The following SERINC2 variants were observed in gnomAD, a reference collection of about 807,000 sequenced individuals.
SERINC2 encodes the protein serine incorporator 2.
SERINC2 carries 56 observed loss-of-function variants against 54.2 expected under a neutral mutation model. The observed-to-expected ratio is 1.03, with a 90% CI of 0.83 to 1.29. The LOEUF (loss-of-function observed/expected upper bound fraction) is 1.29. Among genes scored for constraint, SERINC2 ranks in the 50% most tolerant of loss-of-function variants. SERINC2 has a pLI of 0.00. For synonymous variants in SERINC2, 272 were observed against 253.1 expected, an observed-to-expected ratio of 1.07 and a Z score of -0.71; for missense variants, 614 against 607.4, an observed-to-expected ratio of 1.01 and a Z score of -0.12.
chr1:31,414,791 C>T (rs1640744981), intron 1 of SERINC2: 1 of 985,330 alleles, frequency 1.0e-6, no homozygotes, highest in Non-Finnish European at 1.2e-6. Flanking sequence ...AGGCACAGGC[C>T]CTGCTGGGCT....
chr1:31,430,319 G>A (rs1557498388), intron 8 of SERINC2, among the ~76,000 whole-genome samples: 1 of 151,232 alleles, frequency 6.6e-6, no homozygotes, highest in African/African-American at 2.4e-5. Flanking sequence ...ATTGAGACCA[G>A]CCTGGGCAAC....
At chr1:31,416,993 T>A (rs1640796002) in intron 1 of SERINC2, among the ~76,000 whole-genome samples, 1 of 152,370 alleles carries the variant, frequency 6.6e-6, no homozygotes, top group Middle Eastern at 3.4e-3. Context: ...GTGCTGGGAT[T>A]ACAGGCATGA....
intron 4 of SERINC2, 101 bp downstream of exon 4, chr1:31,425,510 C>T (rs1348048561): frequency 3.1e-6 from 3 of 982,670 alleles, no homozygotes; most frequent in East Asian, 2.4e-5. Context: ...GGCACACAGA[C>T]CCCTGGCTGC....
At chr1:31,432,231 G>GGTGGAGAGGGTGGAGAGGGTGGA (rs1641318155) in intron 8 of SERINC2, among the ~76,000 whole-genome samples, 2 of 151,258 alleles carry the variant, frequency 1.3e-5, no homozygotes, top group South Asian at 2.1e-4. Context: ...GGGTGGATAG[G>GGTGGAGAGGGTGGAGAGGGTGGA]GACCCACTGA....
In SERINC2 at chr1:31,434,239, T is replaced by G; in HGVS notation, c.*40T>G. Reference sequence around the variant, plus strand: ...CTGCCATCTGGTGCCTCCTGCCACCTGGTGCCTCTCGGCTCAGTGACAGCC... The same window carrying G: ...CTGCCATCTGGTGCCTCCTGCCACCGGGTGCCTCTCGGCTCAGTGACAGCC... On this transcript the variant is annotated 3_prime_UTR_variant, in exon 10 of 10. Coordinates refer to ENST00000373709, the MANE Select transcript of SERINC2 (RefSeq NM_178865.5). 1 of 1,599,086 alleles carries G rather than the reference T, an allele frequency of 6.3e-7. No homozygotes were observed. The highest frequency in any genetic ancestry group is 8.5e-7 in the Non-Finnish European group (1 of 1,173,632).
intron 8 of SERINC2, among the ~76,000 whole-genome samples, chr1:31,431,868 TAGGGTGGAC>T (rs1557500090): frequency 3.1e-4 from 6 of 19,398 alleles, no homozygotes; most frequent in East Asian, 3.2e-3. Context: ...ATAGGGTGGA[TAGGGTGGAC>T]AGGGTGGACA....
chr1:31,428,919 CTGGGTGGGG>C lies in SERINC2; in HGVS notation c.781-54_781-46del. On this transcript the variant is annotated intron_variant, in intron 6 of 9. Coordinates refer to ENST00000373709, the MANE Select transcript of SERINC2 (RefSeq NM_178865.5). ...AGGTCCCTTGGCTGGTGTGAGTGGG[CTGGGTGGGG>C]TGGGGTGTCTCTGGTCTGGCAGGGG... 4.7e-6 allele frequency: 5 copies of C among 1,061,168 alleles called. No individual in the cohort carries two copies. The South Asian group carries it at 6.4e-5, about 14-fold the overall frequency. 65.7% of individuals were successfully genotyped at this position (1,061,168 alleles called of 1,614,324 possible). A position where few individuals can be genotyped will look rare whatever the true frequency, so the allele number is the denominator to read the frequency against.
upstream of SERINC2, among the ~76,000 whole-genome samples, chr1:31,412,676 G>A (rs942468872): frequency 3.1e-4 from 47 of 152,276 alleles, no homozygotes; most frequent in African/African-American, 1.1e-3. Context: ...CTCTTAAAAA[G>A]GAAGAAGAAA....
chr1:31,423,685 T>C lies in SERINC2; in HGVS notation c.40-8T>C, dbSNP rs782403068. 1.9e-6 allele frequency: 3 copies of C among 1,605,188 alleles called. No homozygotes were observed. In the African/African-American group the frequency reaches 4.0e-5, roughly 21 times the overall value. ...GGGAGAGGGAAGAGTGACAGTGCCC[T>C]CCCGCAGGCGTCCTGCCTCTGCGGC... On this transcript the variant is annotated splice_polypyrimidine_tract_variant and splice_region_variant and intron_variant, in intron 1 of 9. Transcript: ENST00000373709.
intron 1 of SERINC2, among the ~76,000 whole-genome samples, chr1:31,422,320 G>C (rs1640922856): frequency 6.7e-6 from 1 of 149,930 alleles, no homozygotes; most frequent in Non-Finnish European, 1.5e-5. Flanking sequence ...AACAAAAAAA[G>C]AAGAAAAGAA....
intron 8 of SERINC2, among the ~76,000 whole-genome samples, chr1:31,430,441 G>A (rs576097043): frequency 1.3e-5 from 2 of 152,114 alleles, no homozygotes; most frequent in Admixed American, 1.3e-4. Context: ...CCAGACTGAA[G>A]CAGGAGGATT....
Position 31,425,891 on chromosome 1 carries a change from C to A in SERINC2, c.588C>A (p.Cys196Ter). 3 of 1,612,296 alleles carry A rather than the reference C, an allele frequency of 1.9e-6. No homozygotes were observed. Among genetic ancestry groups the A allele is most frequent in the Non-Finnish European group, 8.5e-7 (1 of 1,179,810 alleles). ...NQRWLGKAEE[C>*]DSRAWYAGLF... ...GGTGGCTGGGCAAGGCCGAGGAGTG[C>A]GATTCCCGTGCCTGGTACGCAGGTC... Residue 196 changes from cysteine (C) to a stop codon, truncating the protein, a stop_gained, in exon 5 of 10, where the codon TGC becomes TGA. Coordinates refer to ENST00000373709, the MANE Select transcript of SERINC2 (RefSeq NM_178865.5). LOFTEE classifies it high-confidence loss of function.
rs1253844006 is a variant in SERINC2 at position 31,413,277 on chromosome 1, C to G, written c.12C>G (p.Cys4Trp). The G allele has an allele frequency of 7.9e-7, 1 of 1,261,612 alleles. No individual in the cohort carries two copies. The highest frequency in any genetic ancestry group is 1.0e-6 in the Non-Finnish European group (1 of 1,004,780). 78.2% of individuals were successfully genotyped at this position (1,261,612 alleles called of 1,614,324 possible). Residue 4 changes from cysteine to tryptophan, a missense_variant, in exon 1 of 10, where the codon TGC becomes TGG. Cys to Trp is a radical substitution (Grantham distance 215). Transcript: ENST00000373709. This position sits in a 1 kb window ranked among gnomAD's most constrained non-coding sequence, Gnocchi z 5.0. ...CGGGAGCCGCCGCCATGGGGGCCTG[C>G]CTGGGAGCCTGCTCCCTGCTCAGCT... MGACLGACSLLSCA... is the reference protein window; with the variant it reads MGAWLGACSLLSCA...
In SERINC2 at chr1:31,433,172, A is replaced by C. The variant is rs781939801; in HGVS notation, c.1219A>C (p.Thr407Pro). The change falls in exon 9 of 10, where the codon ACC (threonine) becomes CCC (proline). Residue 407 changes from threonine to proline, a missense_variant. Transcript: ENST00000373709. ...LASLHVMMTL[T>P]NWYKPGETRK... ...CTCACTGCACGTCATGATGACGCTC[A>C]CCAACTGGTACAAGTGCGTAGCTGG... 6.2e-7 allele frequency: 1 copy of C among 1,613,550 alleles called. No homozygotes were observed. The highest frequency in any genetic ancestry group is 1.1e-5 in the South Asian group (1 of 91,078).
At chr1:31,422,316 AAAAG>A (rs1640922673) in intron 1 of SERINC2, among the ~76,000 whole-genome samples, 1 of 151,908 alleles carries the variant, frequency 6.6e-6, no homozygotes. Context: ...AAAAAACAAA[AAAAG>A]AAGAAAAGAA....
At chr1:31,426,516 C>T (rs1306584061) in intron 5 of SERINC2, 138 bp from the exon 6 acceptor site, 3 of 641,014 alleles carry the variant, frequency 4.7e-6, no homozygotes, top group Non-Finnish European at 8.1e-6. Context: ...TGGTGAAAGG[C>T]AGTGACGTCA....
At chr1:31,417,322 G>A (rs1640804251) in intron 1 of SERINC2, among the ~76,000 whole-genome samples, 1 of 152,056 alleles carries the variant, frequency 6.6e-6, no homozygotes, top group Non-Finnish European at 1.5e-5. Context: ...ATTCCCCATT[G>A]CTTTCAGGGT....
chr1:31,430,105 G>A (rs1641156069), intron 8 of SERINC2, among the ~76,000 whole-genome samples: 1 of 152,114 alleles, frequency 6.6e-6, no homozygotes, highest in Admixed American at 6.5e-5. Context: ...GTGATCCTGG[G>A]CAAGTCACTT....
chr1:31,432,231 G>GGTGGACAGGGT (rs1641318155), intron 8 of SERINC2, among the ~76,000 whole-genome samples: 1 of 151,146 alleles, frequency 6.6e-6, no homozygotes, highest in African/African-American at 2.4e-5. Flanking sequence ...GGGTGGATAG[G>GGTGGACAGGGT]GACCCACTGA....
Sources: allele counts gnomAD v4.1 joint callset (sites outside exome capture counted in the v4.1 genomes callset), GRCh38; gene constraint gnomAD v4.1.1; non-coding constraint Gnocchi (gnomAD v3.1); transcripts MANE v1.5; gene names NCBI Gene and HGNC (gene_info 2026-07-23, HGNC 2026-07-21).